The following NBEAL1 variants were observed in gnomAD, a reference collection of about 807,000 sequenced individuals.
The protein encoded by NBEAL1 is neurobeachin-like protein 1.
In NBEAL1, 273 loss-of-function variants were observed where a neutral mutation model predicts 351.3. The observed-to-expected ratio is 0.78, with a 90% confidence interval of 0.70 to 0.86. NBEAL1 has a LOEUF of 0.86. Among genes scored for constraint, NBEAL1 ranks in the 40% least tolerant of loss-of-function variants. NBEAL1 has a pLI of 0.00. For missense variants in NBEAL1, 2,961 were observed against 3,201.3 expected, an observed-to-expected ratio of 0.92 and a Z score of 1.81; for synonymous variants, 1,050 against 1,086.4, an observed-to-expected ratio of 0.97 and a Z score of 0.66.
At chr2:203,151,610 A>C in intron 35 of NBEAL1, 21 bp downstream of exon 35, 1 of 1,575,444 alleles carries the variant, frequency 6.3e-7, no homozygotes, top group Non-Finnish European at 8.6e-7. Context: ...ATGACTGTTT[A>C]ATTGTTTGTT....
chr2:203,186,911 A>G (rs2064913225), intron 44 of NBEAL1, among the ~76,000 whole-genome samples: 1 of 152,202 alleles, frequency 6.6e-6, no homozygotes, highest in Non-Finnish European at 1.5e-5. Context: ...TCTATTTTCT[A>G]GTTGAGTGGG....
chr2:203,076,493 A>C (rs557472673), intron 7 of NBEAL1, among the ~76,000 whole-genome samples: 27 of 139,458 alleles, frequency 1.9e-4, no homozygotes, highest in Non-Finnish European at 2.4e-4. Flanking sequence ...AAACAAACAA[A>C]CAAAAAAAAA....
chr2:203,104,964 A>G (rs1238326259), intron 12 of NBEAL1, among the ~76,000 whole-genome samples: 6 of 151,720 alleles, frequency 4.0e-5, no homozygotes, highest in East Asian at 2.0e-4. Context: ...GGTTCAAGCA[A>G]TTCACCTGCC....
chr2:203,205,221 T>G (rs1276111370), intron 51 of NBEAL1, among the ~76,000 whole-genome samples: 1 of 152,190 alleles, frequency 6.6e-6, no homozygotes, highest in African/African-American at 2.4e-5. Context: ...ATTTCAAACT[T>G]GTAAAAAATT....
intron 23 of NBEAL1, 66 bp from the exon 24 acceptor site, chr2:203,127,715 C>T (rs2062973769): frequency 1.1e-5 from 12 of 1,046,134 alleles, no homozygotes; most frequent in South Asian, 3.0e-5. Flanking sequence ...GAGCGAGACT[C>T]CATCTCAGAA....
intron 43 of NBEAL1, among the ~76,000 whole-genome samples, 197 bp downstream of exon 43, chr2:203,180,709 G>A (rs1223332020): frequency 6.6e-6 from 1 of 152,068 alleles, no homozygotes; most frequent in African/African-American, 2.4e-5. Flanking sequence ...AGCCAAAGGA[G>A]TCAAATTTGA....
intron 35 of NBEAL1, among the ~76,000 whole-genome samples, chr2:203,156,811 T>G (rs1213491800): frequency 3.3e-5 from 5 of 152,238 alleles, no homozygotes; most frequent in Non-Finnish European, 7.3e-5. Context: ...TATGAATTAT[T>G]TTTGCCATAA....
At chr2:203,060,592 A>C (rs2061482950) in intron 6 of NBEAL1, among the ~76,000 whole-genome samples, 2 of 152,232 alleles carry the variant, frequency 1.3e-5, no homozygotes, top group Admixed American at 6.5e-5. Flanking sequence ...TTTTTTAAAA[A>C]ACCACTACCT....
chr2:203,119,396 G>T (rs1189316590), intron 18 of NBEAL1, among the ~76,000 whole-genome samples: 1 of 145,428 alleles, frequency 6.9e-6, no homozygotes, highest in African/African-American at 2.5e-5. Context: ...TAAGATTACA[G>T]GCGTGAGCCA....
intron 6 of NBEAL1, among the ~76,000 whole-genome samples, chr2:203,063,954 T>G (rs531166328): frequency 6.7e-4 from 102 of 152,278 alleles, no homozygotes; most frequent in Non-Finnish European, 1.3e-3. Context: ...AAACACATTT[T>G]GCACACATCA....
chr2:203,041,676 G>T, intron 2 of NBEAL1, 89 bp from the exon 3 acceptor site: 1 of 785,776 alleles, frequency 1.3e-6, no homozygotes, highest in South Asian at 1.7e-5. Flanking sequence ...TCATAGTATT[G>T]ATTCTTTAGG....
intron 36 of NBEAL1, among the ~76,000 whole-genome samples, chr2:203,160,227 C>G (rs1221571267): frequency 6.6e-6 from 1 of 151,932 alleles, no homozygotes; most frequent in African/African-American, 2.4e-5. Context: ...TTACAGGCAT[C>G]TGCCACCATG....
chr2:203,056,443 G>T lies in NBEAL1; in HGVS notation c.322G>T (p.Glu108Ter). The change falls in exon 5 of 56, where the codon GAA becomes TAA. Residue 108 changes from glutamate (E) to a stop codon, truncating the protein, a stop_gained. Coordinates refer to ENST00000683969, the MANE Select transcript of NBEAL1 (RefSeq NM_001378026.1). LOFTEE classifies it high-confidence loss of function. ...TTCTCACAGAAATCTATCAAATGTG[G>T]AAGAAATTGGGACTTGCTCGTACAT... ...IILCRNLSNV[E>*]EIGTCSYINY... 6.5e-7 allele frequency: 1 copy of T among 1,544,144 alleles called. No homozygotes were observed. The highest frequency in any genetic ancestry group is 1.2e-5 in the South Asian group (1 of 84,030).
rs1218924942 is a variant in NBEAL1 at position 203,016,464 on chromosome 2, T to C, written c.51+29T>C. ...ATTGCTTTCCTTTTTATTTTTATGT[T>C]TTAAAATACTTTATTATAAAATTTG... On this transcript the variant is annotated intron_variant, in intron 2 of 55. Transcript: ENST00000683969. The C allele has an allele frequency of 3.0e-6, 4 of 1,335,952 alleles. No homozygotes were observed. In the South Asian group the frequency reaches 6.7e-5, roughly 23 times the overall value. 82.8% of individuals were successfully genotyped at this position (1,335,952 alleles called of 1,614,324 possible).
At chr2:203,180,933 A>ATTTTTTTTCTTTT (rs2064695560) in intron 43 of NBEAL1, 1 of 61,698 alleles carries the variant, frequency 1.6e-5, no homozygotes, top group Non-Finnish European at 3.0e-5. Context: ...CAGCCAGTCA[A>ATTTTTTTTCTTTT]TTTTTTTTTT....
chr2:203,118,307 A>G (rs2062746396), intron 18 of NBEAL1, among the ~76,000 whole-genome samples: 1 of 152,102 alleles, frequency 6.6e-6, no homozygotes, highest in South Asian at 2.1e-4. Context: ...CTGTGTTCAA[A>G]TTTTTCCAAA....
At chr2:203,164,939 G>A (rs532705992) in intron 36 of NBEAL1, among the ~76,000 whole-genome samples, 15 of 147,316 alleles carry the variant, frequency 1.0e-4, no homozygotes, top group East Asian at 6.1e-4. Flanking sequence ...TTGGCTCACC[G>A]CACCCTCCAC....
intron 6 of NBEAL1, among the ~76,000 whole-genome samples, chr2:203,066,182 A>G (rs2061582393): frequency 6.6e-6 from 1 of 152,228 alleles, no homozygotes; most frequent in African/African-American, 2.4e-5. Flanking sequence ...TATGTTAATC[A>G]GGTGAGGATG....
Position 203,199,516 on chromosome 2 carries a change from T to C in NBEAL1, c.7238+69T>C, listed in dbSNP as rs374528308. The C allele has an allele frequency of 2.3e-4, 174 of 749,846 alleles. No homozygotes were observed. The South Asian group carries it at 3.0e-3, about 13-fold the overall frequency. The allele number at this position is 749,846 out of a possible 1,614,324, so 46.4% of individuals were successfully genotyped here. A position where few individuals can be genotyped will look rare whatever the true frequency, so the allele number is the denominator to read the frequency against. On this transcript the variant is annotated intron_variant, in intron 49 of 55. Coordinates refer to ENST00000683969, the MANE Select transcript of NBEAL1 (RefSeq NM_001378026.1). The stretch of plus-strand genomic sequence containing the variant: ...CTTATTGCCAGGAAAAAAACTAGAT[T>C]AATTGATTCATTTATTCTGAAAGAA...
Sources: allele counts gnomAD v4.1 joint callset (sites outside exome capture counted in the v4.1 genomes callset), GRCh38; gene constraint gnomAD v4.1.1; transcripts MANE v1.5; gene names NCBI Gene and HGNC (gene_info 2026-07-23, HGNC 2026-07-21).